The following ABCC8 variants were observed in gnomAD, a reference collection of about 807,000 sequenced individuals.
The protein encoded by ABCC8 is ATP-binding cassette sub-family C member 8.
In ABCC8, 137 loss-of-function variants were observed where a neutral mutation model predicts 188.0. The observed-to-expected ratio is 0.73, with a 90% CI of 0.63 to 0.84. The LOEUF (loss-of-function observed/expected upper bound fraction) is 0.84, where lower values mean the gene tolerates loss of function less well. Ranked by LOEUF, ABCC8 falls within the 40% of genes least tolerant of loss-of-function variation. The probability of loss-of-function intolerance (pLI) is 0.00; values close to 1 mark genes in which losing one functional copy is unlikely to be tolerated. For synonymous variants in ABCC8, 797 were observed against 846.5 expected (o/e 0.94, Z 1.01); for missense variants, 1,750 against 2,072.7 (o/e 0.84, Z 3.02).
chr11:17,476,096 G>A (rs181554848), intron 1 of ABCC8, among the ~76,000 whole-genome samples: 3 of 152,362 alleles, frequency 2.0e-5, no homozygotes, highest in Admixed American at 6.5e-5. Context: ...CCTCGCCCAG[G>A]GCGCGGGCCT....
chr11:17,457,548 C>T (rs553438774), intron 6 of ABCC8, among the ~76,000 whole-genome samples: 338 of 152,310 alleles, frequency 2.2e-3, no homozygotes, highest in Admixed American at 3.7e-3. Flanking sequence ...ATTCTCTTGT[C>T]CTTCAGCCAG....
intron 10 of ABCC8, among the ~76,000 whole-genome samples, chr11:17,437,042 G>T (rs1405063475): frequency 8.0e-6 from 1 of 125,520 alleles, no homozygotes; most frequent in African/African-American, 3.0e-5. Context: ...AGTGAGCCGA[G>T]ATCGCGCCAC....
In ABCC8 at chr11:17,393,130, TGGGCA is replaced by T. The variant is rs948098253; in HGVS notation, c.4609-7_4609-3del. ...ACTCAGGATGGTGTGCACTCGATGC[TGGGCA>T]GGGCAGGAGGGGGCGGGTCAGGATG... On this transcript the variant is annotated splice_polypyrimidine_tract_variant and splice_region_variant and intron_variant, in intron 38 of 38. Transcript: ENST00000389817. 8 of 1,506,754 alleles carry T rather than the reference TGGGCA, an allele frequency of 5.3e-6. No individual in the cohort carries two copies. Among genetic ancestry groups the T allele is most frequent in the Non-Finnish European group, 7.2e-6 (8 of 1,103,762 alleles). 93.3% of individuals were successfully genotyped at this position (1,506,754 alleles called of 1,614,324 possible).
intron 7 of ABCC8, among the ~76,000 whole-genome samples, chr11:17,452,230 C>T (rs1328672384): frequency 6.6e-6 from 1 of 152,168 alleles, no homozygotes; most frequent in Admixed American, 6.5e-5. Context: ...GATCATCTTT[C>T]CAGAAACTCT....
chr11:17,447,000 A>G (rs912145029), intron 8 of ABCC8, among the ~76,000 whole-genome samples: 5 of 152,108 alleles, frequency 3.3e-5, no homozygotes, highest in South Asian at 4.2e-4. Flanking sequence ...TCTGGGGGCC[A>G]CTCTGCCTGC....
intron 37 of ABCC8, among the ~76,000 whole-genome samples, 176 bp downstream of exon 37, chr11:17,394,090 C>T (rs140760359): frequency 4.7e-4 from 71 of 152,162 alleles, no homozygotes; most frequent in Non-Finnish European, 8.7e-4. Flanking sequence ...GTGTGTGTAA[C>T]ATTCCCTAAG....
Position 17,397,332 on chromosome 11 carries a change from T to C in ABCC8, c.3868-19A>G. On this transcript the variant is annotated intron_variant, in intron 31 of 38. Transcript: ENST00000389817. Reference sequence around the variant, plus strand: ...TGGAGACCTGTGGGGAGCAAGCCAGTGGCGCACACTCCATGGTCGCTTAGT... The same window carrying C: ...TGGAGACCTGTGGGGAGCAAGCCAGCGGCGCACACTCCATGGTCGCTTAGT... The C allele has an allele frequency of 6.2e-7, 1 of 1,608,048 alleles. No homozygotes were observed. The highest frequency in any genetic ancestry group is 8.5e-7 in the Non-Finnish European group (1 of 1,179,956).
At chr11:17,448,756 G>C in intron 7 of ABCC8, 85 bp from the exon 8 acceptor site, 5 of 1,610,396 alleles carry the variant, frequency 3.1e-6, no homozygotes, top group Non-Finnish European at 4.2e-6. Context: ...CAGTGTGCCA[G>C]GGGCTTCTCA....
chr11:17,427,977 C>G lies in ABCC8; in HGVS notation c.2041-35G>C, dbSNP rs376077553. 1 of 1,607,514 alleles carries G rather than the reference C, an allele frequency of 6.2e-7. No homozygotes were observed. The highest frequency in any genetic ancestry group is 1.7e-5 in the Admixed American group (1 of 58,914). ...GCGTGTCCCACCGCCCAGGAGAGAA[C>G]AGAAAGGCAGCCAGTTCCCAGTGAA... is the stretch of plus-strand genomic sequence containing the variant. On this transcript the variant is annotated intron_variant, in intron 14 of 38. Transcript: ENST00000389817. The surrounding 1 kb of genome is among the most constrained non-coding windows in gnomAD (Gnocchi z 5.0).
chr11:17,456,511 G>A (rs1306398692), intron 6 of ABCC8, among the ~76,000 whole-genome samples: 3 of 152,134 alleles, frequency 2.0e-5, no homozygotes, highest in Non-Finnish European at 4.4e-5. Context: ...TTGGACTCTT[G>A]TTTCCTATTT....
chr11:17,461,434 G>A (rs1957184012), intron 5 of ABCC8, 149 bp downstream of exon 5: 2 of 1,010,562 alleles, frequency 2.0e-6, no homozygotes, highest in Non-Finnish European at 3.0e-6. Flanking sequence ...CTGGTTCACT[G>A]TGTGACTTAA....
intron 2 of ABCC8, among the ~76,000 whole-genome samples, chr11:17,470,918 G>T (rs1848444921): frequency 6.6e-6 from 1 of 152,188 alleles, no homozygotes; most frequent in Non-Finnish European, 1.5e-5. Context: ...CCCTGGGCCT[G>T]GTGAGGAGGG....
chr11:17,429,403 C>T (rs1955743284), intron 12 of ABCC8: 1 of 152,344 alleles, frequency 6.6e-6, no homozygotes, highest in African/African-American at 2.4e-5. Context: ...CTGTGCGCCA[C>T]CCCTAGATGG....
chr11:17,463,391 C>T (rs1000656513), intron 4 of ABCC8, 47 bp downstream of exon 4: 4 of 1,492,196 alleles, frequency 2.7e-6, no homozygotes, highest in Non-Finnish European at 2.8e-6. Context: ...GGACAGAGGC[C>T]AGAGCCTCTG....
chr11:17,418,682 A>G (rs2237991), intron 16 of ABCC8, among the ~76,000 whole-genome samples: 58,806 of 151,928 alleles, frequency 0.39, 13,957 homozygotes, highest in African/African-American at 0.67. Context: ...TAAGCTCTCC[A>G]GGCCCTAACT....
At chr11:17,454,229 C>G (rs907944188) in intron 6 of ABCC8, among the ~76,000 whole-genome samples, 2 of 152,130 alleles carry the variant, frequency 1.3e-5, no homozygotes, top group African/African-American at 2.4e-5. Context: ...GGCCCAGGCT[C>G]TCATTGGAGG....
intron 10 of ABCC8, among the ~76,000 whole-genome samples, chr11:17,440,282 G>A (rs1956264496): frequency 6.6e-6 from 1 of 152,192 alleles, no homozygotes; most frequent in Admixed American, 6.5e-5. Flanking sequence ...CACCTCGGCA[G>A]CTGTTCCTAC....
intron 5 of ABCC8, 63 bp downstream of exon 5, chr11:17,461,520 T>C: frequency 1.9e-6 from 3 of 1,603,050 alleles, no homozygotes; most frequent in Non-Finnish European, 2.6e-6. Context: ...CCCTTTGAGG[T>C]CCCTCTCTGT....
Position 17,394,498 on chromosome 11 carries a change from T to C in ABCC8, c.4412-99A>G, listed in dbSNP as rs916891155. ...GGGGGGCTGTTGGAAAATGTGTGCA[T>C]GGGGGCAAATAGGTGGGTGTGTGTC... On this transcript the variant is annotated intron_variant, in intron 36 of 38. Coordinates refer to ENST00000389817, the MANE Select transcript of ABCC8 (RefSeq NM_000352.6). 5 of 1,583,326 alleles carry C rather than the reference T, an allele frequency of 3.2e-6. No individual in the cohort carries two copies. The African/African-American group carries it at 5.4e-5, about 17-fold the overall frequency.
Sources: gnomAD v4.1 joint callset for allele counts (sites outside exome capture counted in the v4.1 genomes callset) on GRCh38, gnomAD v4.1.1 for gene constraint, Gnocchi (gnomAD v3.1) non-coding constraint, MANE v1.5 for transcripts, NCBI Gene and HGNC (gene_info 2026-07-23, HGNC 2026-07-21) for gene names.